BARD1: variants seen among roughly 807,000 people sequenced by gnomAD.
BARD1 encodes BRCA1-associated RING domain protein 1.
In BARD1, 73 loss-of-function variants were observed where a neutral mutation model predicts 77.0. That is an observed-to-expected ratio of 0.95 (90% CI 0.79 to 1.15). BARD1 has a LOEUF of 1.15. Ranked by LOEUF, BARD1 falls within the 50% of genes most tolerant of loss-of-function variation. The pLI, the probability that BARD1 is intolerant of heterozygous loss-of-function variation, is 0.00. For synonymous variants in BARD1, 384 were observed against 338.0 expected, an observed-to-expected ratio of 1.14 and a Z score of -1.49; for missense variants, 993 against 938.8, an observed-to-expected ratio of 1.06 and a Z score of -0.75.
chr2:214,743,517 C>T (rs1020684662), intron 9 of BARD1, among the ~76,000 whole-genome samples: 6 of 152,194 alleles, frequency 3.9e-5, no homozygotes, highest in Non-Finnish European at 7.3e-5. Context: ...TAACATCTAA[C>T]ACCGCTATAA....
intron 3 of BARD1, among the ~76,000 whole-genome samples, chr2:214,782,340 T>C (rs1426378487): frequency 1.3e-5 from 2 of 152,114 alleles, no homozygotes; most frequent in African/African-American, 2.4e-5. Flanking sequence ...GAATAGTAGT[T>C]GGTTACCCCT....
chr2:214,805,509 C>G (rs1412673957), intron 1 of BARD1, among the ~76,000 whole-genome samples: 3 of 152,142 alleles, frequency 2.0e-5, no homozygotes, highest in Non-Finnish European at 4.4e-5. Context: ...GTCAGAGAAC[C>G]TATCCTTTAT....
intron 9 of BARD1, among the ~76,000 whole-genome samples, chr2:214,740,370 A>G (rs1692765271): frequency 6.6e-6 from 1 of 151,216 alleles, no homozygotes; most frequent in African/African-American, 2.4e-5. Context: ...AATACTTCCA[A>G]TTATTATTAC....
chr2:214,771,909 T>C (rs1035451888), intron 4 of BARD1, among the ~76,000 whole-genome samples: 1 of 137,800 alleles, frequency 7.3e-6, no homozygotes, highest in African/African-American at 2.9e-5. Context: ...TTCAAATTAA[T>C]TACCCCAGTT....
intron 2 of BARD1, chr2:214,796,837 T>C (rs1225950735): frequency 1.1e-5 from 6 of 557,186 alleles, no homozygotes; most frequent in African/African-American, 7.5e-5. Context: ...AGCTGTCTAC[T>C]AAGCTTTGTA....
intron 3 of BARD1, among the ~76,000 whole-genome samples, chr2:214,787,287 TA>T (rs1695316622): frequency 6.6e-6 from 1 of 151,896 alleles, no homozygotes; most frequent in Non-Finnish European, 1.5e-5. Context: ...TCCTACCTTA[TA>T]AATGAGTAAA....
chr2:214,748,729 G>GGAAGCAGTGAGCTGCTTCCCT (rs1356499939), intron 7 of BARD1, among the ~76,000 whole-genome samples: 18 of 151,834 alleles, frequency 1.2e-4, no homozygotes, highest in Non-Finnish European at 2.6e-4. Context: ...CTTCCTTTAG[G>GGAAGCAGTGAGCTGCTTCCCT]GAAGCAGTGA....
chr2:214,749,890 C>A (rs752694477), intron 7 of BARD1, among the ~76,000 whole-genome samples: 2 of 151,814 alleles, frequency 1.3e-5, no homozygotes, highest in Non-Finnish European at 2.9e-5. Context: ...TTTCTAGCTT[C>A]TCTTCCAATT....
Position 214,730,588 on chromosome 2 carries a change from CTAAG to C in BARD1, c.1904-84_1904-81del, listed in dbSNP as rs1053814359. Reference sequence around the variant, plus strand: ...CTCTCATTAAAATCAAGCAATTTACCTAAGTGGTTTTTCTTCTTCATGGCAGTTT... The same window carrying C: ...CTCTCATTAAAATCAAGCAATTTACCTGGTTTTTCTTCTTCATGGCAGTTT... On this transcript the variant is annotated intron_variant, in intron 9 of 10. Transcript: ENST00000260947. 7.5e-4 allele frequency: 906 copies of C among 1,205,098 alleles called. 10 individuals are homozygous for C. The highest frequency in any genetic ancestry group is 4.2e-5 in the Non-Finnish European group (34 of 815,586). The allele number at this position is 1,205,098 out of a possible 1,614,324, so 74.7% of individuals were successfully genotyped here. A position where few individuals can be genotyped will look rare whatever the true frequency, so the allele number is the denominator to read the frequency against.
intron 4 of BARD1, among the ~76,000 whole-genome samples, chr2:214,778,293 G>A (rs1170893991): frequency 1.4e-5 from 2 of 146,844 alleles, no homozygotes; most frequent in African/African-American, 5.0e-5. Flanking sequence ...ATAAAGCTAA[G>A]GCGAGAGGCA....
chr2:214,805,578 A>AAT (rs1205991345), intron 1 of BARD1, among the ~76,000 whole-genome samples: 1 of 152,216 alleles, frequency 6.6e-6, no homozygotes, highest in African/African-American at 2.4e-5. Flanking sequence ...GCATCTTATG[A>AAT]ATATCCACTC....
In BARD1 at chr2:214,780,721, C is replaced by T. The variant is rs587782436; in HGVS notation, c.1153G>A (p.Asp385Asn). 8.7e-6 allele frequency: 14 copies of T among 1,613,900 alleles called. No homozygotes were observed. In the Admixed American group the frequency reaches 1.0e-4, roughly 12 times the overall value. The change falls in exon 4 of 11, where the codon GAT (aspartate) becomes AAT (asparagine). Residue 385 changes from aspartate to asparagine, a missense_variant. Asp to Asn is a conservative substitution (Grantham distance 23). Coordinates refer to ENST00000260947, the MANE Select transcript of BARD1 (RefSeq NM_000465.4). ...CCTGGTGAAAGACTAATGAATTCAT[C>T]GGACATGTTACTGTTTTTCCTCCCT... is the stretch of plus-strand genomic sequence containing the variant. ...TSGRKNSNMS[D>N]EFISLSPGTP...
chr2:214,752,607 T>A, intron 6 of BARD1, 52 bp from the exon 7 acceptor site: 1 of 1,296,832 alleles, frequency 7.7e-7, no homozygotes. Context: ...GTGACTCGAC[T>A]CAATTTTTCA....
At chr2:214,742,151 A>C (rs886728194) in intron 9 of BARD1, among the ~76,000 whole-genome samples, 2 of 152,234 alleles carry the variant, frequency 1.3e-5, no homozygotes, top group African/African-American at 2.4e-5. Flanking sequence ...CTTTAAAATT[A>C]ATTTTGAAAG....
intron 9 of BARD1, among the ~76,000 whole-genome samples, chr2:214,737,610 CAATT>C (rs1692624036): frequency 6.6e-6 from 1 of 151,910 alleles, no homozygotes; most frequent in South Asian, 2.1e-4. Context: ...TAAGACAAAT[CAATT>C]GAGTTGATTT....
intron 3 of BARD1, among the ~76,000 whole-genome samples, chr2:214,787,776 AG>A (rs1370033558): frequency 6.6e-6 from 1 of 152,024 alleles, no homozygotes; most frequent in African/African-American, 2.4e-5. Context: ...TATAGAAAAA[AG>A]AGGCAATTAG....
In BARD1 at chr2:214,751,127, A is replaced by T. The variant is rs1460130055; in HGVS notation, c.1677+1320T>A. Among the ~76,000 whole-genome samples, 16 of 11,364 alleles carry T rather than the reference A, an allele frequency of 1.4e-3. 2 individuals carry two copies. Among genetic ancestry groups the T allele is most frequent in the African/African-American group, 3.4e-3 (14 of 4,176 alleles). 7.5% of individuals were successfully genotyped at this position (11,364 alleles called of 152,430 possible). A position where few individuals can be genotyped will look rare whatever the true frequency, so the allele number is the denominator to read the frequency against. ...TGTGTGTGTGTGTGTGTATATATAT[A>T]TATATATATATATATATATATATAT... On this transcript the variant is annotated intron_variant, in intron 7 of 10. Transcript: ENST00000260947.
intron 4 of BARD1, among the ~76,000 whole-genome samples, chr2:214,778,012 A>G (rs768060187): frequency 1.3e-5 from 2 of 152,190 alleles, no homozygotes; most frequent in Non-Finnish European, 2.9e-5. Flanking sequence ...CCTGGCCAAC[A>G]TGGTGAAACT....
At chr2:214,773,299 CT>C (rs1389875846) in intron 4 of BARD1, among the ~76,000 whole-genome samples, 1 of 152,156 alleles carries the variant, frequency 6.6e-6, no homozygotes, top group African/African-American at 2.4e-5. Flanking sequence ...AGACAAATGA[CT>C]TGCCTAGCAT....
Sources: allele counts gnomAD v4.1 joint callset (sites outside exome capture counted in the v4.1 genomes callset), GRCh38; gene constraint gnomAD v4.1.1; transcripts MANE v1.5; gene names NCBI Gene and HGNC (gene_info 2026-07-23, HGNC 2026-07-21).